The following IGHMBP2 variants were observed in gnomAD, a reference collection of about 807,000 sequenced individuals.
The protein encoded by IGHMBP2 is immunoglobulin mu DNA binding protein 2, also known as DNA-binding protein SMUBP-2.
A neutral mutation model predicts 96.0 loss-of-function variants in IGHMBP2; 81 were observed. The ratio of observed to expected loss-of-function variants is 0.84; its 90% CI spans 0.71 to 1.01. The LOEUF (loss-of-function observed/expected upper bound fraction) is 1.01. IGHMBP2 is among the 50% of genes least tolerant of loss of function. The pLI is 0.00. For missense variants in IGHMBP2, 1,227 were observed against 1,306.3 expected (o/e 0.94, Z 0.94); for synonymous variants, 557 against 548.9 (o/e 1.01, Z -0.21).
intron 12 of IGHMBP2, 123 bp from the exon 13 acceptor site, chr11:68,936,114 T>G: frequency 9.0e-7 from 1 of 1,116,644 alleles, no homozygotes; most frequent in Non-Finnish European, 1.3e-6. Context: ...CGGGCACCCG[T>G]GTGGATGGTG....
rs749106508 is a variant in IGHMBP2, at chr11:68,939,520, T to G, written c.2785-14T>G. 1.1e-5 allele frequency: 17 copies of G among 1,611,276 alleles called. No individual in the cohort carries two copies. In the East Asian group the frequency reaches 1.1e-4, roughly 11 times the overall value. ...CCCCTGTGAGCCCAGCAGTGATTCTTGTGTCCTCCCCAGATCCATGGCTGC... is the reference window on the plus strand; with the variant it reads ...CCCCTGTGAGCCCAGCAGTGATTCTGGTGTCCTCCCCAGATCCATGGCTGC... On this transcript the variant is annotated splice_polypyrimidine_tract_variant and intron_variant, in intron 14 of 14. Coordinates refer to ENST00000255078, the MANE Select transcript of IGHMBP2 (RefSeq NM_002180.3).
chr11:68,932,762 C>T (rs890175219), intron 8 of IGHMBP2: 20 of 164,178 alleles, frequency 1.2e-4, no homozygotes, highest in Non-Finnish European at 1.9e-4. Flanking sequence ...CCTCCAGAAA[C>T]GACAATCTGG....
At position 68,939,735 on chromosome 11, in the gene IGHMBP2, G is replaced by A. The variant is rs1555248762; in HGVS notation, c.*4G>A. 4 of 1,605,590 alleles carry A rather than the reference G, an allele frequency of 2.5e-6. No homozygotes were observed. In the East Asian group the frequency reaches 9.0e-5, roughly 36 times the overall value. On this transcript the variant is annotated 3_prime_UTR_variant, in exon 15 of 15. Coordinates refer to ENST00000255078, the MANE Select transcript of IGHMBP2 (RefSeq NM_002180.3). ...GAGGAAGGAGAGGGGGACGTGACCG[G>A]CCGCATCCTTGCACGCCCCGCGGAG...
At chr11:68,929,984 C>G (rs1186494485) in intron 8 of IGHMBP2, 1 of 1,028,382 alleles carries the variant, frequency 9.7e-7, no homozygotes, top group Non-Finnish European at 1.2e-6. Flanking sequence ...CAGCCCCCCT[C>G]TCACCTCTCC....
At chr11:68,915,990 A>G (rs1343377461) in intron 6 of IGHMBP2, among the ~76,000 whole-genome samples, 1 of 151,586 alleles carries the variant, frequency 6.6e-6, no homozygotes, top group Non-Finnish European at 1.5e-5. Context: ...CCTGGCCCAC[A>G]TGGTGAAACC....
At chr11:68,918,487 C>T (rs1566432943) in intron 7 of IGHMBP2, among the ~76,000 whole-genome samples, 1 of 151,816 alleles carries the variant, frequency 6.6e-6, no homozygotes, top group Non-Finnish European at 1.5e-5. Context: ...ACTAAAAATA[C>T]AAAAATTAGC....
At position 68,911,432 on chromosome 11, in the gene IGHMBP2, T is replaced by C. The variant is rs1858430311; in HGVS notation, c.548-8T>C. On this transcript the variant is annotated splice_polypyrimidine_tract_variant and splice_region_variant and intron_variant, in intron 4 of 14. Transcript: ENST00000255078. ...CACCTGAGCCTCACGCTGCTGCTTCTTCCACAGACCCGCTGACATTCTTCA... is the reference window on the plus strand; with the variant it reads ...CACCTGAGCCTCACGCTGCTGCTTCCTCCACAGACCCGCTGACATTCTTCA... The C allele has an allele frequency of 6.2e-7, 1 of 1,613,424 alleles. No individual in the cohort carries two copies. The highest frequency in any genetic ancestry group is 8.5e-7 in the Non-Finnish European group (1 of 1,179,884).
rs1859425085 is a variant in IGHMBP2 at position 68,934,042 on chromosome 11, G to A, written c.1537+129G>A. 8 of 749,838 alleles carry A rather than the reference G, an allele frequency of 1.1e-5. No homozygotes were observed. In the Admixed American group the frequency reaches 1.4e-4, roughly 13 times the overall value. 46.4% of individuals were successfully genotyped at this position (749,838 alleles called of 1,614,324 possible). A position where few individuals can be genotyped will look rare whatever the true frequency, so the allele number is the denominator to read the frequency against. ...AGTTGTTGATGGCCGTGAAAAAACG[G>A]AGCCCCACACTGCAAGAGGCTGAGC... is the stretch of plus-strand genomic sequence containing the variant. On this transcript the variant is annotated intron_variant, in intron 10 of 14. Transcript: ENST00000255078.
Position 68,939,629 on chromosome 11 carries a change from C to A in IGHMBP2, c.2880C>A (p.Ser960=). 6.2e-7 allele frequency: 1 copy of A among 1,613,552 alleles called. No individual in the cohort carries two copies. The highest frequency in any genetic ancestry group is 8.5e-7 in the Non-Finnish European group (1 of 1,179,980). The stretch of plus-strand genomic sequence containing the variant: ...CCGGCAGCGGGACCAAGAACGGATC[C>A]CTGGACCCAGCCAAGAGGGCCCAGC... ...LYAGSGTKNG[S]LDPAKRAQLQ... The change falls in exon 15 of 15, where the codon TCC becomes TCA. Residue 960 remains serine (S), a synonymous_variant. Transcript: ENST00000255078.
chr11:68,925,265 C>G (rs1370047486), intron 7 of IGHMBP2, among the ~76,000 whole-genome samples: 1 of 151,710 alleles, frequency 6.6e-6, no homozygotes. Context: ...TGTGCCTCAG[C>G]CTCCTGAGTA....
chr11:68,918,020 C>CCT, intron 7 of IGHMBP2, 137 bp downstream of exon 7: 1 of 832,972 alleles, frequency 1.2e-6, no homozygotes, highest in Non-Finnish European at 2.0e-6. Context: ...CTAGGGAAGG[C>CCT]CTCCGTACCT....
In IGHMBP2 at chr11:68,937,022, C is replaced by T. The variant is rs1131691275; in HGVS notation, c.2542C>T (p.Pro848Ser). 5 of 1,608,034 alleles carry T rather than the reference C, an allele frequency of 3.1e-6. No homozygotes were observed. The highest frequency in any genetic ancestry group is 1.1e-5 in the South Asian group (1 of 90,998). Residue 848 changes from proline (P) to serine (S), a missense_variant, in exon 13 of 15, where the codon CCC (proline) becomes TCC (serine). This residue lies in a region of IGHMBP2 where 703 missense variants were observed against 770.3 expected (regional missense o/e 0.91). Coordinates refer to ENST00000255078, the MANE Select transcript of IGHMBP2 (RefSeq NM_002180.3). ...LQRVRSAQGQ[P>S]ASKEQQASGQ... ...GAGGGTCAGGAGCGCGCAGGGGCAGCCCGCCAGCAAGGAGCAGCAGGCCTC... is the reference window on the plus strand; with the variant it reads ...GAGGGTCAGGAGCGCGCAGGGGCAGTCCGCCAGCAAGGAGCAGCAGGCCTC...
chr11:68,908,138 T>A lies in IGHMBP2; in HGVS notation c.257-7T>A. 6.2e-7 allele frequency: 1 copy of A among 1,613,392 alleles called. No individual in the cohort carries two copies. Among genetic ancestry groups the A allele is most frequent in the Non-Finnish European group, 8.5e-7 (1 of 1,179,494 alleles). On this transcript the variant is annotated splice_region_variant and splice_polypyrimidine_tract_variant and intron_variant, in intron 2 of 14. Transcript: ENST00000255078. Reference sequence around the variant, plus strand: ...TGTCTTGTGTCACTGAGTCTTTGTTTTTGCAGGTGATATCGTGGGCCTGTA... The same window carrying A: ...TGTCTTGTGTCACTGAGTCTTTGTTATTGCAGGTGATATCGTGGGCCTGTA...
chr11:68,911,694 C>T, intron 5 of IGHMBP2, 91 bp downstream of exon 5: 1 of 1,204,732 alleles, frequency 8.3e-7, no homozygotes, highest in Non-Finnish European at 1.2e-6. Context: ...AGCCTCAGTT[C>T]TGGTGGGATG....
intron 7 of IGHMBP2, among the ~76,000 whole-genome samples, chr11:68,918,748 C>A (rs1259052823): frequency 6.6e-6 from 1 of 152,102 alleles, no homozygotes; most frequent in Non-Finnish European, 1.5e-5. Flanking sequence ...TCAAGGGATC[C>A]CCCTGCCTCA....
Position 68,936,533 on chromosome 11 carries a change from G to A in IGHMBP2, c.2053G>A (p.Glu685Lys). 6.2e-7 allele frequency: 1 copy of A among 1,613,192 alleles called. No homozygotes were observed. Among genetic ancestry groups the A allele is most frequent in the Non-Finnish European group, 8.5e-7 (1 of 1,179,774 alleles). Residue 685 changes from glutamate (E) to lysine (K), a missense_variant, in exon 13 of 15, where the codon GAG becomes AAG. Glu to Lys is a moderately conservative substitution (Grantham distance 56). Transcript: ENST00000255078. Reference protein sequence around the residue: ...TGSQRQEGGQEAAAPARQGRK... With the variant: ...TGSQRQEGGQKAAAPARQGRK... ...AAGCCAGCGGCAGGAGGGAGGCCAG[G>A]AGGCTGCAGCACCTGCCAGACAGGG...
chr11:68,937,792 G>C (rs1410561324), intron 13 of IGHMBP2: 1 of 259,500 alleles, frequency 3.9e-6, no homozygotes, highest in Non-Finnish European at 7.6e-6. Flanking sequence ...CACATGGGTG[G>C]CTTTGAAAGG....
intron 10 of IGHMBP2, 73 bp from the exon 11 acceptor site, chr11:68,934,391 G>C (rs1401894364): frequency 1.9e-6 from 2 of 1,075,406 alleles, no homozygotes; most frequent in Admixed American, 2.0e-5. Flanking sequence ...AAACGTGCCC[G>C]AAACACGTGT....
At chr11:68,904,116 T>C in intron 1 of IGHMBP2, 78 bp downstream of exon 1, 1 of 1,219,894 alleles carries the variant, frequency 8.2e-7, no homozygotes, top group Non-Finnish European at 1.2e-6. Flanking sequence ...GGGCTCGGCC[T>C]CATAGTCTGG....
Sources: gnomAD v4.1 joint callset for allele counts (sites outside exome capture counted in the v4.1 genomes callset) on GRCh38, gnomAD v4.1.1 for gene constraint, gnomAD v4.1.1 regional missense constraint, MANE v1.5 for transcripts, NCBI Gene and HGNC (gene_info 2026-07-23, HGNC 2026-07-21) for gene names.